SIAH1: variants seen among roughly 807,000 people sequenced by gnomAD.
SIAH1 encodes the protein E3 ubiquitin-protein ligase SIAH1.
SIAH1 carries 2 observed loss-of-function variants against 20.0 expected under a neutral mutation model. That is an observed-to-expected ratio of 0.10 (90% CI 0.04 to 0.31). The LOEUF (loss-of-function observed/expected upper bound fraction) is 0.31. Ranked by LOEUF, SIAH1 falls within the 10% of genes least tolerant of loss-of-function variation. SIAH1 has a pLI of 1.00. For missense variants in SIAH1, 119 were observed against 355.3 expected (o/e 0.33, Z 5.35); for synonymous variants, 118 against 125.3 (o/e 0.94, Z 0.39).
At chr16:48,383,774 T>C (rs545975635) in intron 1 of SIAH1, among the ~76,000 whole-genome samples, 1 of 152,290 alleles carries the variant, frequency 6.6e-6, no homozygotes, top group East Asian at 1.9e-4. Context: ...AACAACAAAA[T>C]GCATTGAAAG....
At chr16:48,373,372 C>T (rs751779673) in intron 1 of SIAH1, among the ~76,000 whole-genome samples, 38 of 152,192 alleles carry the variant, frequency 2.5e-4, no homozygotes, top group Non-Finnish European at 3.8e-4. Context: ...AAAGTCTCTC[C>T]ACTCAGAGTC....
chr16:48,383,674 G>A (rs1240446113), intron 1 of SIAH1, among the ~76,000 whole-genome samples: 1 of 152,072 alleles, frequency 6.6e-6, no homozygotes, highest in Non-Finnish European at 1.5e-5. Context: ...CAAAGATATA[G>A]CCATTCAAAT....
intron 1 of SIAH1, among the ~76,000 whole-genome samples, chr16:48,368,857 T>C (rs1423146789): frequency 6.6e-6 from 1 of 152,176 alleles, no homozygotes; most frequent in Non-Finnish European, 1.5e-5. Flanking sequence ...GATTACAAAT[T>C]TGCTCTTTCC....
intron 1 of SIAH1, among the ~76,000 whole-genome samples, chr16:48,376,640 C>A (rs182528631): frequency 2.8e-4 from 43 of 152,164 alleles, no homozygotes; most frequent in African/African-American, 8.4e-4. Context: ...TACTGGCGCC[C>A]GGCACTACAC....
rs541504027 is a variant in SIAH1, at chr16:48,372,789, C to T, written c.-2-10359G>A. 2.0e-4 allele frequency among the ~76,000 whole-genome samples: 31 copies of T among 152,252 alleles called. No homozygotes were observed. The South Asian group carries it at 6.0e-3, about 30-fold the overall frequency. Reference sequence around the variant, plus strand: ...GCCCGGTAACAGTCAATTTCATAACCGTAAGTCAATCCCATAAGTGCAGTT... The same window carrying T: ...GCCCGGTAACAGTCAATTTCATAACTGTAAGTCAATCCCATAAGTGCAGTT... On this transcript the variant is annotated intron_variant, in intron 1 of 1. Transcript: ENST00000394725.
rs74017944 is a variant in SIAH1 at position 48,374,244 on chromosome 16, T to C, written c.-3+10960A>G. Among the ~76,000 whole-genome samples the C allele has an allele frequency of 6.6e-3, 1,001 of 152,352 alleles. 13 individuals are homozygous for C. Among genetic ancestry groups the C allele is most frequent in the African/African-American group, 0.022 (920 of 41,582 alleles). On this transcript the variant is annotated intron_variant, in intron 1 of 1. Transcript: ENST00000394725. ...GGCTCAATTATGTATCCCAAAAACT[T>C]AATACAGTGCCTGGCACATAGTACA... is the stretch of plus-strand genomic sequence containing the variant.
chr16:48,383,963 T>C (rs183196361), intron 1 of SIAH1, among the ~76,000 whole-genome samples: 14 of 152,338 alleles, frequency 9.2e-5, no homozygotes, highest in African/African-American at 9.6e-5. Flanking sequence ...AGTCCACCTA[T>C]TGTCATCTCA....
chr16:48,382,314 T>C (rs370161930), intron 1 of SIAH1, among the ~76,000 whole-genome samples: 5 of 152,050 alleles, frequency 3.3e-5, no homozygotes, highest in Admixed American at 6.6e-5. Context: ...TTGAGCCCAG[T>C]TGGAGGCCAC....
chr16:48,384,372 C>A (rs1406962416), intron 1 of SIAH1, among the ~76,000 whole-genome samples: 1 of 152,176 alleles, frequency 6.6e-6, no homozygotes, highest in African/African-American at 2.4e-5. Context: ...CAGGAACGGG[C>A]AGACAGCGAA....
intron 1 of SIAH1, among the ~76,000 whole-genome samples, chr16:48,378,818 A>T (rs1961178960): frequency 6.6e-6 from 1 of 152,124 alleles, no homozygotes; most frequent in Admixed American, 6.5e-5. Flanking sequence ...TCCCTACTTC[A>T]TGGGGCCTTT....
intron 1 of SIAH1, among the ~76,000 whole-genome samples, chr16:48,378,496 C>G (rs1316641851): frequency 6.6e-6 from 1 of 152,182 alleles, no homozygotes; most frequent in Non-Finnish European, 1.5e-5. Context: ...CTCCTTGTTT[C>G]TTCGATCTGG....
chr16:48,365,931 G>A (rs2151047418), intron 1 of SIAH1: 2 of 1,216,102 alleles, frequency 1.6e-6, no homozygotes, highest in East Asian at 3.3e-5. Flanking sequence ...CTCGGCCGGG[G>A]CTGGGCCTGC....
chr16:48,373,552 C>T (rs1324729319), intron 1 of SIAH1, among the ~76,000 whole-genome samples: 1 of 152,170 alleles, frequency 6.6e-6, no homozygotes, highest in Non-Finnish European at 1.5e-5. Context: ...CCTACCTCTA[C>T]CACTACCATC....
chr16:48,363,244 A>G (rs1052604508), intron 1 of SIAH1: 2 of 166,998 alleles, frequency 1.2e-5, no homozygotes, highest in African/African-American at 4.8e-5. Flanking sequence ...TCTACTCTAG[A>G]GGTGTATTTT....
At chr16:48,375,322 AAG>A (rs1961080999) in intron 1 of SIAH1, among the ~76,000 whole-genome samples, 1 of 152,236 alleles carries the variant, frequency 6.6e-6, no homozygotes, top group Non-Finnish European at 1.5e-5. Context: ...ACTAACATGT[AAG>A]AATCAACTGT....
chr16:48,374,275 CAATAAATATTTTTTGGATG>C (rs1597028662), intron 1 of SIAH1, among the ~76,000 whole-genome samples: 1 of 152,092 alleles, frequency 6.6e-6, no homozygotes, highest in Admixed American at 6.5e-5. Context: ...GTACAGACTC[CAATAAATATTTTTTGGATG>C]AATAAATACA....
chr16:48,374,797 T>A (rs1961064520), intron 1 of SIAH1, among the ~76,000 whole-genome samples: 1 of 152,102 alleles, frequency 6.6e-6, no homozygotes, highest in Non-Finnish European at 1.5e-5. Context: ...AAGTAATCAG[T>A]TTATTACATG....
chr16:48,379,236 G>T (rs1253934027), intron 1 of SIAH1, among the ~76,000 whole-genome samples: 1 of 152,050 alleles, frequency 6.6e-6, no homozygotes, highest in African/African-American at 2.4e-5. Flanking sequence ...AGGACATGGG[G>T]GCTGGGGGGG....
In SIAH1 at chr16:48,362,149, C is replaced by T; in HGVS notation, c.280G>A (p.Val94Ile). ...GACGCATATTTACAGGGGAAAAGTA[C>T]TGAATTAGCCACTTTCTCCATAGCC... ...NLAMEKVANS[V>I]LFPCKYASSG... is the part of the protein sequence containing the mutation. The change falls in exon 2 of 2, where the codon GTA becomes ATA. Residue 94 changes from valine (V) to isoleucine (I), a missense_variant. Coordinates refer to ENST00000394725, the MANE Select transcript of SIAH1 (RefSeq NM_003031.4). This position sits in a 1 kb window ranked among gnomAD's most constrained non-coding sequence, Gnocchi z 4.2. The T allele has an allele frequency of 6.2e-7, 1 of 1,614,172 alleles. No individual in the cohort carries two copies. The highest frequency in any genetic ancestry group is 8.5e-7 in the Non-Finnish European group (1 of 1,180,032).
Sources: gnomAD v4.1 joint callset for allele counts (sites outside exome capture counted in the v4.1 genomes callset) on GRCh38, gnomAD v4.1.1 for gene constraint, Gnocchi (gnomAD v3.1) non-coding constraint, MANE v1.5 for transcripts, NCBI Gene and HGNC (gene_info 2026-07-23, HGNC 2026-07-21) for gene names.